The following ANXA8 variants were observed in gnomAD, a reference collection of about 807,000 sequenced individuals.
ANXA8 encodes the protein VAC-beta.
ANXA8 carries 9 observed loss-of-function variants against 26.8 expected under a neutral mutation model. That is an observed-to-expected ratio of 0.34 (90% confidence interval 0.20 to 0.59). The LOEUF (loss-of-function observed/expected upper bound fraction) is 0.59, where lower values mean the gene tolerates loss of function less well. Among genes scored for constraint, ANXA8 ranks in the 20% least tolerant of loss-of-function variants. The pLI is 0.84. For missense variants in ANXA8, 83 were observed against 238.5 expected, an observed-to-expected ratio of 0.35 and a Z score of 4.29; for synonymous variants, 39 against 94.8, an observed-to-expected ratio of 0.41 and a Z score of 3.42.
chr10:47,627,398 G>A, the ANXA8 span, among the ~76,000 whole-genome samples: 1 of 150,170 alleles, frequency 6.7e-6, no homozygotes, highest in Non-Finnish European at 1.5e-5. Context: ...CTCAAACTGT[G>A]ATAAAGAGTG....
At chr10:47,733,286 TCTTTCTTTC>T in the ANXA8 span, among the ~76,000 whole-genome samples, 10 of 92,576 alleles carry the variant, frequency 1.1e-4, no homozygotes, top group African/African-American at 4.8e-4. Context: ...TTTCTTTCTT[TCTTTCTTTC>T]TTTTTTTTCT....
chr10:47,686,810 T>A, the ANXA8 span, among the ~76,000 whole-genome samples: 1 of 151,942 alleles, frequency 6.6e-6, no homozygotes, highest in African/African-American at 2.4e-5. Flanking sequence ...ATTTGGCTTC[T>A]AGAAGGTCAT....
the ANXA8 span, among the ~76,000 whole-genome samples, chr10:47,952,177 G>T: frequency 5.1e-4 from 77 of 150,032 alleles, no homozygotes; most frequent in African/African-American, 1.9e-3. Flanking sequence ...AAATTTGATA[G>T]TGAAAGACAT....
At chr10:47,695,457 C>T in the ANXA8 span, among the ~76,000 whole-genome samples, 1 of 151,710 alleles carries the variant, frequency 6.6e-6, no homozygotes, top group African/African-American at 2.4e-5. Context: ...TGATTAGCAG[C>T]ATAGCATCAA....
chr10:47,952,561 T>C, the ANXA8 span, among the ~76,000 whole-genome samples: 2 of 147,150 alleles, frequency 1.4e-5, 1 homozygote, highest in African/African-American at 5.3e-5. Context: ...TAAAAAACTA[T>C]GAAACATTGT....
At chr10:47,491,643 T>G in the ANXA8 span, 2 of 1,540,546 alleles carry the variant, frequency 1.3e-6, no homozygotes, top group South Asian at 2.4e-5. Context: ...GGCCAGGCCC[T>G]CGGCAGCCAG....
upstream of ANXA8, among the ~76,000 whole-genome samples, chr10:47,484,930 G>A (rs1300384626): frequency 7.4e-5 from 11 of 148,278 alleles, no homozygotes; most frequent in East Asian, 2.1e-4. Flanking sequence ...CGGCTGGCTC[G>A]GGAGCCAGCC....
chr10:47,743,315 C>CATATATAT, the ANXA8 span, among the ~76,000 whole-genome samples: 6 of 60,012 alleles, frequency 1.0e-4, 1 homozygote, highest in Non-Finnish European at 1.8e-4. Flanking sequence ...TATATATACA[C>CATATATAT]ATATATATAT....
At chr10:47,678,915 C>T in the ANXA8 span, among the ~76,000 whole-genome samples, 10 of 132,740 alleles carry the variant, frequency 7.5e-5, no homozygotes, top group African/African-American at 2.3e-4. Flanking sequence ...TGGTGGCATG[C>T]GACTGTAATC....
chr10:47,950,502 A>G, the ANXA8 span, among the ~76,000 whole-genome samples: 7 of 150,962 alleles, frequency 4.6e-5, 1 homozygote, highest in East Asian at 1.4e-3. Flanking sequence ...TAAATCAATC[A>G]ACGCAATTCA....
At chr10:47,484,172 C>T, upstream of ANXA8, 1 of 896,388 alleles carries the variant, frequency 1.1e-6, no homozygotes, top group South Asian at 1.4e-5. Context: ...CTGCCCAGGC[C>T]TGCTCTGGGG....
the ANXA8 span, among the ~76,000 whole-genome samples, chr10:47,686,456 C>A: frequency 6.6e-6 from 1 of 151,844 alleles, no homozygotes; most frequent in Non-Finnish European, 1.5e-5. Flanking sequence ...AGGTGATCCA[C>A]CTGCCTCAGC....
the ANXA8 span, chr10:47,551,722 A>G: frequency 4.1e-6 from 1 of 245,788 alleles, no homozygotes; most frequent in Non-Finnish European, 8.0e-6. Context: ...TGGAAGAACC[A>G]TCAGACTGTA....
the ANXA8 span, among the ~76,000 whole-genome samples, chr10:47,696,938 T>G: frequency 6.6e-6 from 1 of 151,348 alleles, no homozygotes; most frequent in African/African-American, 2.4e-5. Flanking sequence ...GTAATAAAAA[T>G]GTATTGGTCT....
the ANXA8 span, among the ~76,000 whole-genome samples, chr10:47,510,940 ATTTATTTATTT>A: frequency 2.3e-5 from 3 of 127,764 alleles, no homozygotes; most frequent in African/African-American, 9.2e-5. Flanking sequence ...TAATTAATTT[ATTTATTTATTT>A]ATTTATTTTT....
the ANXA8 span, among the ~76,000 whole-genome samples, chr10:47,560,997 G>A: frequency 6.6e-6 from 1 of 150,992 alleles, no homozygotes; most frequent in Non-Finnish European, 1.5e-5. Context: ...AAGATACAAA[G>A]GATTCATCTT....
chr10:47,960,743 A>G, the ANXA8 span, among the ~76,000 whole-genome samples: 19 of 146,354 alleles, frequency 1.3e-4, 2 homozygotes, highest in Non-Finnish European at 2.5e-4. Flanking sequence ...CCCTGTGTTG[A>G]TCATGCCCCC....
chr10:47,565,773 C>T, the ANXA8 span: 239 of 805,560 alleles, frequency 3.0e-4, no homozygotes, highest in Non-Finnish European at 3.5e-4. Context: ...GCCCTTCGGC[C>T]GGGCGGGCGC....
the ANXA8 span, among the ~76,000 whole-genome samples, chr10:47,967,392 C>A: frequency 1.3e-5 from 2 of 149,554 alleles, no homozygotes; most frequent in East Asian, 3.9e-4. Flanking sequence ...CTTCATCCTT[C>A]CAAAGTTTTA....
Sources: allele counts gnomAD v4.1 joint callset (sites outside exome capture counted in the v4.1 genomes callset), GRCh38; gene constraint gnomAD v4.1.1; transcripts MANE v1.5; gene names NCBI Gene and HGNC (gene_info 2026-07-23, HGNC 2026-07-21).